Variants in CDH7 observed in about 807,000 individuals in gnomAD.
The protein encoded by CDH7 is cadherin-7.
A neutral mutation model predicts 71.8 loss-of-function variants in CDH7; 25 were observed. The observed-to-expected ratio is 0.35, with a 90% CI of 0.25 to 0.49. The LOEUF is 0.49. Among genes scored for constraint, CDH7 ranks in the 20% least tolerant of loss-of-function variants. The probability of loss-of-function intolerance (pLI) is 0.99; values close to 1 mark genes in which losing one functional copy is unlikely to be tolerated. For missense variants in CDH7, 862 were observed against 974.6 expected (o/e 0.88, Z 1.54); for synonymous variants, 381 against 363.8 (o/e 1.05, Z -0.54).
In CDH7 at chr18:65,885,232, G is replaced by A. The variant is rs1435533267; in HGVS notation, c.*4338G>A. Reference sequence around the variant, plus strand: ...GGGAGATGTTTAAGGCTGTGATTTGGCCGACATTGTAACGTATAATTCTGT... The same window carrying A: ...GGGAGATGTTTAAGGCTGTGATTTGACCGACATTGTAACGTATAATTCTGT... On this transcript the variant is annotated 3_prime_UTR_variant, in exon 12 of 12. Coordinates refer to ENST00000397968, the MANE Select transcript of CDH7 (RefSeq NM_004361.5). 4 of 151,906 alleles carry A rather than the reference G, an allele frequency of 2.6e-5. No homozygotes were observed. Among genetic ancestry groups the A allele is most frequent in the African/African-American group, 9.7e-5 (4 of 41,356 alleles). 9.4% of individuals were successfully genotyped at this position (151,906 alleles called of 1,614,324 possible).
At chr18:65,757,200 A>G (rs909480482) in intron 1 of CDH7, among the ~76,000 whole-genome samples, 2 of 152,154 alleles carry the variant, frequency 1.3e-5, no homozygotes, top group African/African-American at 4.8e-5. Flanking sequence ...ATAGTAATGA[A>G]TTTGTTTTGG....
rs1383223260 is a variant in CDH7, at chr18:65,883,997, A to G, written c.*3103A>G. 1 of 152,136 alleles carries G rather than the reference A, an allele frequency of 6.6e-6. No individual in the cohort carries two copies. The highest frequency in any genetic ancestry group is 1.5e-5 in the Non-Finnish European group (1 of 67,982). 9.4% of individuals were successfully genotyped at this position (152,136 alleles called of 1,614,324 possible). On this transcript the variant is annotated 3_prime_UTR_variant, in exon 12 of 12. Transcript: ENST00000397968. Reference sequence around the variant, plus strand: ...ATATTTAATTATTTTCCACTTGTCCATACAGGAGCATCAATAGAAACTCAG... The same window carrying G: ...ATATTTAATTATTTTCCACTTGTCCGTACAGGAGCATCAATAGAAACTCAG...
At position 65,762,799 on chromosome 18, in the gene CDH7, T is replaced by C. The variant is rs1916231288; in HGVS notation, c.-44T>C. On this transcript the variant is annotated 5_prime_UTR_variant, in exon 2 of 12. Coordinates refer to ENST00000397968, the MANE Select transcript of CDH7 (RefSeq NM_004361.5). ...AACTGGAACTGTGCCTTTTCTCTTGTCAAGGTTTTTTTCTTACACAGGAAA... is the reference window on the plus strand; with the variant it reads ...AACTGGAACTGTGCCTTTTCTCTTGCCAAGGTTTTTTTCTTACACAGGAAA... The C allele has an allele frequency of 3.2e-6, 5 of 1,556,462 alleles. No individual in the cohort carries two copies. The Admixed American group carries it at 7.2e-5, about 22-fold the overall frequency.
intron 2 of CDH7, among the ~76,000 whole-genome samples, chr18:65,789,186 G>T (rs545534668): frequency 1.3e-5 from 2 of 152,260 alleles, no homozygotes; most frequent in Non-Finnish European, 2.9e-5. Flanking sequence ...TAAGGAAAGA[G>T]TATCAAAATC....
intron 2 of CDH7, among the ~76,000 whole-genome samples, chr18:65,781,764 T>G (rs1406570243): frequency 2.5e-5 from 1 of 40,272 alleles, no homozygotes; most frequent in African/African-American, 2.6e-4. Flanking sequence ...CTTTCTTTCT[T>G]TCTTTCCTTC....
In CDH7 at chr18:65,762,867, T is replaced by C; in HGVS notation, c.25T>C (p.Cys9Arg). 1 of 1,612,750 alleles carries C rather than the reference T, an allele frequency of 6.2e-7. No homozygotes were observed. The highest frequency in any genetic ancestry group is 1.3e-5 in the African/African-American group (1 of 74,960). Reference protein sequence around the residue: MKLGKVEFCHFLQLIALFL... With the variant: MKLGKVEFRHFLQLIALFL... ...GATGAAGTTGGGCAAAGTGGAGTTC[T>C]GCCATTTTCTGCAGCTAATAGCTCT... The change falls in exon 2 of 12, where the codon TGC becomes CGC. Residue 9 changes from cysteine (C) to arginine (R), a missense_variant. By Grantham distance (180) the Cys-to-Arg change is radical. Transcript: ENST00000397968.
intron 2 of CDH7, among the ~76,000 whole-genome samples, chr18:65,774,770 G>A (rs1284223663): frequency 6.6e-6 from 1 of 152,078 alleles, no homozygotes; most frequent in Non-Finnish European, 1.5e-5. Flanking sequence ...ATACCCCCCT[G>A]ATGATGCAGG....
upstream of CDH7, chr18:65,750,849 T>C (rs904551071): frequency 6.6e-6 from 1 of 152,204 alleles, no homozygotes; most frequent in Non-Finnish European, 1.5e-5. Context: ...ACCCTGCGTC[T>C]CAGCTGCCCG....
intron 2 of CDH7, among the ~76,000 whole-genome samples, chr18:65,808,774 A>T (rs1274242460): frequency 6.6e-6 from 1 of 152,194 alleles, no homozygotes; most frequent in Non-Finnish European, 1.5e-5. Context: ...TTATTTGGTA[A>T]ATTGAGTTTT....
chr18:65,824,512 C>T, intron 5 of CDH7, 132 bp from the exon 6 acceptor site: 1 of 492,302 alleles, frequency 2.0e-6, no homozygotes, highest in Non-Finnish European at 3.4e-6. Context: ...TTTTGTTTTC[C>T]ATTACCTTAG....
intron 10 of CDH7, among the ~76,000 whole-genome samples, chr18:65,861,719 C>T (rs1913571419): frequency 1.3e-5 from 2 of 152,084 alleles, no homozygotes; most frequent in South Asian, 4.1e-4. Context: ...AGACAGATTT[C>T]ATCTCGCTGT....
intron 2 of CDH7, among the ~76,000 whole-genome samples, chr18:65,799,205 A>T (rs116508964): frequency 0.014 from 2,119 of 152,132 alleles, 42 homozygotes; most frequent in African/African-American, 0.049. Context: ...CCTGCTCCTG[A>T]TGATCAAGAT....
At chr18:65,836,593 C>G (rs1314541199) in intron 6 of CDH7, among the ~76,000 whole-genome samples, 1 of 152,084 alleles carries the variant, frequency 6.6e-6, no homozygotes, top group Non-Finnish European at 1.5e-5. Context: ...CTTTGGAGCA[C>G]TGGCACTTTC....
At chr18:65,853,922 T>TATATATATATATATATCC (rs1913243573) in intron 7 of CDH7, among the ~76,000 whole-genome samples, 4 of 75,798 alleles carry the variant, frequency 5.3e-5, no homozygotes, top group African/African-American at 2.4e-4. Flanking sequence ...TATATATATA[T>TATATATATATATATATCC]ATATATATAT....
intron 1 of CDH7, among the ~76,000 whole-genome samples, chr18:65,754,740 C>T (rs900439708): frequency 6.6e-6 from 1 of 152,058 alleles, no homozygotes; most frequent in African/African-American, 2.4e-5. Context: ...CAAAATGGCC[C>T]CATATATAGA....
chr18:65,885,372 G>GTTTTTTTTTTTTCTTTTTTT lies in CDH7; in HGVS notation c.*4490_*4491insCTTTTTTTTTTTTTTTTTTT, dbSNP rs1914343760. 2.9e-5 allele frequency: 2 copies of GTTTTTTTTTTTTCTTTTTTT among 69,436 alleles called. No homozygotes were observed. Among genetic ancestry groups the GTTTTTTTTTTTTCTTTTTTT allele is most frequent in the Non-Finnish European group, 5.3e-5 (2 of 37,390 alleles). 4.3% of individuals were successfully genotyped at this position (69,436 alleles called of 1,614,324 possible). On this transcript the variant is annotated 3_prime_UTR_variant, in exon 12 of 12. Transcript: ENST00000397968. Reference sequence around the variant, plus strand: ...GTAACTGAAAAGGATGTGTGCCTGTGTTTTTTTTTTTTTTTTTTTTTTTGA... The same window carrying GTTTTTTTTTTTTCTTTTTTT: ...GTAACTGAAAAGGATGTGTGCCTGTGTTTTTTTTTTTTCTTTTTTTTTTTTTTTTTTTTTTTTTTTTTTGA...
chr18:65,844,085 C>A lies in CDH7; in HGVS notation c.1235+20C>A, dbSNP rs376442288. ...TGTGAGGTAAAAACTCATTGTTGTC[C>A]TTTTCTATGGTTTTACAAACAATGC... On this transcript the variant is annotated intron_variant, in intron 7 of 11. Transcript: ENST00000397968. The A allele has an allele frequency of 9.3e-6, 15 of 1,604,796 alleles. No homozygotes were observed. The highest frequency in any genetic ancestry group is 1.3e-5 in the Non-Finnish European group (15 of 1,175,404).
intron 6 of CDH7, among the ~76,000 whole-genome samples, chr18:65,839,199 T>C (rs1912640083): frequency 6.6e-6 from 1 of 152,192 alleles, no homozygotes; most frequent in Admixed American, 6.6e-5. Flanking sequence ...GTATTAATAA[T>C]ATTGTCTTAG....
At chr18:65,769,853 G>C (rs1343638563) in intron 2 of CDH7, among the ~76,000 whole-genome samples, 1 of 152,066 alleles carries the variant, frequency 6.6e-6, no homozygotes, top group East Asian at 1.9e-4. Flanking sequence ...ACTGTATCAC[G>C]TCAGAAGATA....
Sources: allele counts gnomAD v4.1 joint callset (sites outside exome capture counted in the v4.1 genomes callset), GRCh38; gene constraint gnomAD v4.1.1; transcripts MANE v1.5; gene names NCBI Gene and HGNC (gene_info 2026-07-23, HGNC 2026-07-21).